Variants in PRKCB observed in about 807,000 individuals in gnomAD.
PRKCB encodes protein kinase C beta.
In PRKCB, 13 loss-of-function variants were observed where a neutral mutation model predicts 81.5. The ratio of observed to expected loss-of-function variants is 0.16; its 90% CI spans 0.10 to 0.25. The LOEUF (loss-of-function observed/expected upper bound fraction) is 0.25, where lower values mean the gene tolerates loss of function less well. Ranked by LOEUF, PRKCB falls within the 10% of genes least tolerant of loss-of-function variation. The pLI is 1.00. For synonymous variants in PRKCB, 335 were observed against 321.4 expected, an observed-to-expected ratio of 1.04 and a Z score of -0.45; for missense variants, 509 against 875.7, an observed-to-expected ratio of 0.58 and a Z score of 5.29.
At chr16:24,208,588 C>G (rs1174968637) in intron 16 of PRKCB, 2 of 152,216 alleles carry the variant, frequency 1.3e-5, no homozygotes, top group Non-Finnish European at 2.9e-5. Context: ...TTGATGTACC[C>G]TGATGACAAG....
At chr16:23,974,382 A>G (rs1331687389) in intron 2 of PRKCB, among the ~76,000 whole-genome samples, 1 of 152,180 alleles carries the variant, frequency 6.6e-6, no homozygotes, top group African/African-American at 2.4e-5. Context: ...CTTCAGTGAG[A>G]GAGAGTCCAC....
intron 2 of PRKCB, among the ~76,000 whole-genome samples, chr16:23,930,001 A>G (rs1963948888): frequency 6.6e-6 from 1 of 152,036 alleles, no homozygotes; most frequent in Non-Finnish European, 1.5e-5. Context: ...ACATCTCTCT[A>G]CCATCTGCTA....
chr16:24,032,206 C>T lies in PRKCB; in HGVS notation c.359C>T (p.Ser120Leu). ...SSPTFCDHCG[S>L]LLYGLIHQGM... is the part of the protein sequence containing the mutation. ...CCCACGTTTTGTGACCACTGTGGGT[C>T]ACTGCTGTATGGACTCATCCACCAG... Residue 120 changes from serine (S) to leucine (L), a missense_variant, in exon 4 of 17, where the codon TCA (serine) becomes TTA (leucine). This residue lies in a region of PRKCB where 184 missense variants were observed against 362.9 expected (regional missense o/e 0.51). Transcript: ENST00000643927. 1 of 1,613,598 alleles carries T rather than the reference C, an allele frequency of 6.2e-7. No individual in the cohort carries two copies. The highest frequency in any genetic ancestry group is 8.5e-7 in the Non-Finnish European group (1 of 1,179,616).
At chr16:24,208,294 A>C (rs1314018468) in intron 16 of PRKCB, 1 of 152,406 alleles carries the variant, frequency 6.6e-6, no homozygotes, top group African/African-American at 2.4e-5. Context: ...AAAACAAAAC[A>C]AAAAAGAGAT....
chr16:24,050,466 AACACACAC>A (rs3051483), intron 5 of PRKCB, among the ~76,000 whole-genome samples: 16 of 149,372 alleles, frequency 1.1e-4, no homozygotes, highest in African/African-American at 1.7e-4. Context: ...GGTTTTATGT[AACACACAC>A]ACACACACAC....
chr16:24,101,720 A>G (rs1966510549), intron 7 of PRKCB, among the ~76,000 whole-genome samples: 1 of 152,188 alleles, frequency 6.6e-6, no homozygotes, highest in African/African-American at 2.4e-5. Flanking sequence ...TATTTCTCTT[A>G]CTGTCATAAT....
chr16:24,057,002 C>G (rs2141874371), intron 5 of PRKCB, among the ~76,000 whole-genome samples: 1 of 152,224 alleles, frequency 6.6e-6, no homozygotes, highest in South Asian at 2.1e-4. Flanking sequence ...CGTGTCTTTC[C>G]CTGATTATTT....
chr16:23,955,286 A>G (rs1263473328), intron 2 of PRKCB, among the ~76,000 whole-genome samples: 2 of 152,052 alleles, frequency 1.3e-5, no homozygotes, highest in African/African-American at 4.8e-5. Context: ...CAGTTAATAA[A>G]TGTGAGCCAT....
intron 3 of PRKCB, among the ~76,000 whole-genome samples, chr16:23,997,162 C>A: frequency 6.6e-6 from 1 of 152,244 alleles, no homozygotes; most frequent in South Asian, 2.1e-4. Flanking sequence ...GGTTCCCATG[C>A]CTCTGAGTTA....
At chr16:24,060,269 G>C (rs555414435) in intron 5 of PRKCB, among the ~76,000 whole-genome samples, 2 of 152,248 alleles carry the variant, frequency 1.3e-5, no homozygotes, top group South Asian at 2.1e-4. Flanking sequence ...AGAGAGAGTA[G>C]CCTGTACCTT....
chr16:24,217,148 GGAAA>G lies in PRKCB; in HGVS notation c.*2336_*2339del. The G allele has an allele frequency of 1.0e-6, 1 of 973,528 alleles. No individual in the cohort carries two copies. The highest frequency in any genetic ancestry group is 6.4e-5 in the Admixed American group (1 of 15,740). The allele number at this position is 973,528 out of a possible 1,614,324, so 60.3% of individuals were successfully genotyped here. A position where few individuals can be genotyped will look rare whatever the true frequency, so the allele number is the denominator to read the frequency against. On this transcript the variant is annotated 3_prime_UTR_variant, in exon 17 of 17. Transcript: ENST00000643927. ...AAAGAAAGAAAGAGAAAGGAAGGAA[GGAAA>G]GAAGGAAGGAAAAGAAGGAAGGAAG...
chr16:23,858,093 TGAG>T (rs959456354), intron 2 of PRKCB, among the ~76,000 whole-genome samples: 2 of 145,418 alleles, frequency 1.4e-5, no homozygotes, highest in South Asian at 2.1e-4. Context: ...ACGTTGATGA[TGAG>T]GATGATGATG....
At chr16:23,851,165 C>T (rs1962466210) in intron 2 of PRKCB, among the ~76,000 whole-genome samples, 1 of 152,258 alleles carries the variant, frequency 6.6e-6, no homozygotes, top group South Asian at 2.1e-4. Flanking sequence ...ATTGCCCAAA[C>T]CAATGTTGTG....
intron 2 of PRKCB, among the ~76,000 whole-genome samples, chr16:23,955,708 C>A (rs74851629): frequency 0.024 from 3,651 of 152,256 alleles, 102 homozygotes; most frequent in African/African-American, 0.069. Context: ...ATGGGCGAGA[C>A]CTTGGATGTG....
intron 9 of PRKCB, among the ~76,000 whole-genome samples, chr16:24,139,517 T>C (rs1188618785): frequency 6.6e-6 from 1 of 152,200 alleles, no homozygotes; most frequent in Non-Finnish European, 1.5e-5. Flanking sequence ...TGACATTTGC[T>C]TAACAATAGC....
At chr16:23,994,189 T>C (rs897118573) in intron 3 of PRKCB, among the ~76,000 whole-genome samples, 2 of 152,208 alleles carry the variant, frequency 1.3e-5, no homozygotes, top group African/African-American at 4.8e-5. Context: ...GAACTGACAC[T>C]GATTCTAGGA....
chr16:23,898,166 C>T (rs577706307), intron 2 of PRKCB, among the ~76,000 whole-genome samples: 3 of 151,788 alleles, frequency 2.0e-5, no homozygotes, highest in Admixed American at 6.6e-5. Context: ...CCCAGGTTCA[C>T]GCCATTCTCC....
intron 2 of PRKCB, among the ~76,000 whole-genome samples, chr16:23,915,590 A>G (rs1963724847): frequency 6.8e-6 from 1 of 147,978 alleles, no homozygotes; most frequent in Non-Finnish European, 1.5e-5. Context: ...ACTAGTGGAC[A>G]CTGAAGTAGG....
chr16:23,978,469 G>A (rs1048985154), intron 2 of PRKCB, among the ~76,000 whole-genome samples: 2 of 152,180 alleles, frequency 1.3e-5, no homozygotes, highest in African/African-American at 4.8e-5. Context: ...ATTCCAATCT[G>A]GCCCTCTGTC....
Sources: allele counts gnomAD v4.1 joint callset (sites outside exome capture counted in the v4.1 genomes callset), GRCh38; gene constraint gnomAD v4.1.1; regional missense constraint gnomAD v4.1.1; transcripts MANE v1.5; gene names NCBI Gene and HGNC (gene_info 2026-07-23, HGNC 2026-07-21).